The following AKAP7 variants were observed in gnomAD, a reference collection of about 807,000 sequenced individuals.
The protein encoded by AKAP7 is A kinase (PRKA) anchor protein 7.
A neutral mutation model predicts 39.5 loss-of-function variants in AKAP7; 39 were observed. The observed-to-expected ratio is 0.99, with a 90% confidence interval of 0.76 to 1.29. AKAP7 has a LOEUF of 1.29. Ranked by LOEUF, AKAP7 falls within the 50% of genes most tolerant of loss-of-function variation. AKAP7 has a pLI of 0.00. For synonymous variants in AKAP7, 140 were observed against 139.1 expected, an observed-to-expected ratio of 1.01 and a Z score of -0.05; for missense variants, 414 against 407.7, an observed-to-expected ratio of 1.02 and a Z score of -0.13.
chr6:131,183,710 G>T (rs965177352), intron 5 of AKAP7, among the ~76,000 whole-genome samples: 1 of 152,158 alleles, frequency 6.6e-6, no homozygotes. Flanking sequence ...CTGGGGTGGG[G>T]TGGACTGGGA....
chr6:131,229,483 G>A (rs976664509), intron 7 of AKAP7, among the ~76,000 whole-genome samples: 2 of 151,958 alleles, frequency 1.3e-5, no homozygotes, highest in Non-Finnish European at 2.9e-5. Flanking sequence ...CAAGTAGTTG[G>A]GATTACAGGT....
intron 6 of AKAP7, among the ~76,000 whole-genome samples, chr6:131,218,462 AAC>A (rs1254648274): frequency 3.9e-5 from 6 of 152,260 alleles, no homozygotes; most frequent in African/African-American, 1.4e-4. Flanking sequence ...GGAAAAACTA[AAC>A]ACATAAAATT....
chr6:131,241,577 A>ATGTGTGTGTGTG (rs749601887), intron 7 of AKAP7, among the ~76,000 whole-genome samples: 83 of 81,260 alleles, frequency 1.0e-3, no homozygotes, highest in African/African-American at 1.2e-3. Context: ...GATTATATAT[A>ATGTGTGTGTGTG]TGTGTGTGTG....
At chr6:131,222,375 A>G (rs1369946257) in intron 7 of AKAP7, among the ~76,000 whole-genome samples, 1 of 152,068 alleles carries the variant, frequency 6.6e-6, no homozygotes, top group African/African-American at 2.4e-5. Context: ...AATGCAAAAA[A>G]TACTAGCCGG....
chr6:131,199,255 C>A (rs573259643), intron 5 of AKAP7, among the ~76,000 whole-genome samples: 87 of 152,198 alleles, frequency 5.7e-4, no homozygotes, highest in Non-Finnish European at 8.5e-4. Flanking sequence ...TGTGAAATCA[C>A]TGGACATTTA....
chr6:131,211,475 A>G (rs1381343728), intron 6 of AKAP7, among the ~76,000 whole-genome samples: 1 of 152,122 alleles, frequency 6.6e-6, no homozygotes. Context: ...TAGGAAATTT[A>G]TGTAATCCAG....
chr6:131,273,940 CTTTT>C (rs1161809027), intron 7 of AKAP7, among the ~76,000 whole-genome samples: 7 of 130,290 alleles, frequency 5.4e-5, no homozygotes, highest in African/African-American at 8.5e-5. Context: ...GTTGCCTTTT[CTTTT>C]TTTTTTTTTT....
intron 5 of AKAP7, among the ~76,000 whole-genome samples, chr6:131,181,522 G>C (rs1746467): frequency 0.13 from 20,258 of 152,148 alleles, 1,730 homozygotes; most frequent in Middle Eastern, 0.19. Flanking sequence ...TTTTTCTAAA[G>C]CACAAAACTA....
chr6:131,273,655 A>G (rs1814489112), intron 7 of AKAP7, among the ~76,000 whole-genome samples: 1 of 152,150 alleles, frequency 6.6e-6, no homozygotes, highest in South Asian at 2.1e-4. Flanking sequence ...TACATATTTT[A>G]TAATACCCAC....
chr6:131,176,302 A>G (rs1483568168), intron 5 of AKAP7, among the ~76,000 whole-genome samples: 1 of 151,484 alleles, frequency 6.6e-6, no homozygotes, highest in Non-Finnish European at 1.5e-5. Context: ...TTTTTTCCAG[A>G]ATAAAACAGC....
At chr6:131,179,453 C>T (rs1304016638) in intron 5 of AKAP7, among the ~76,000 whole-genome samples, 3 of 152,256 alleles carry the variant, frequency 2.0e-5, no homozygotes, top group South Asian at 2.1e-4. Flanking sequence ...AGATTACAGG[C>T]GTGAGCCACC....
chr6:131,165,994 A>G (rs1027317060), intron 4 of AKAP7, among the ~76,000 whole-genome samples: 11 of 152,172 alleles, frequency 7.2e-5, no homozygotes, highest in Non-Finnish European at 1.3e-4. Flanking sequence ...ATATTTCCTG[A>G]GGGAATGAGG....
At chr6:131,211,417 T>A (rs964773081) in intron 6 of AKAP7, among the ~76,000 whole-genome samples, 1 of 152,050 alleles carries the variant, frequency 6.6e-6, no homozygotes, top group Non-Finnish European at 1.5e-5. Flanking sequence ...ACTGTACTTT[T>A]AAAAAGCAAA....
At chr6:131,176,361 T>C (rs1194594255) in intron 5 of AKAP7, among the ~76,000 whole-genome samples, 3 of 152,108 alleles carry the variant, frequency 2.0e-5, no homozygotes, top group Admixed American at 2.0e-4. Flanking sequence ...AAGAAGATAT[T>C]GAAAATTTTG....
upstream of AKAP7, among the ~76,000 whole-genome samples, chr6:131,134,730 T>C (rs186904818): frequency 4.8e-4 from 73 of 152,346 alleles, no homozygotes; most frequent in African/African-American, 1.6e-3. Flanking sequence ...CCAGCTGTTG[T>C]GGCTGTGTAG....
chr6:131,237,596 T>G (rs1262031377), intron 7 of AKAP7, among the ~76,000 whole-genome samples: 2 of 152,184 alleles, frequency 1.3e-5, no homozygotes, highest in Non-Finnish European at 2.9e-5. Context: ...CTGTTATTGG[T>G]CTATTCAGAG....
At chr6:131,144,560 C>T (rs1407667496) in intron 1 of AKAP7, among the ~76,000 whole-genome samples, 3 of 152,118 alleles carry the variant, frequency 2.0e-5, no homozygotes, top group Admixed American at 6.5e-5. Context: ...CTGGGGAGAC[C>T]ACCATCTGAT....
intron 6 of AKAP7, among the ~76,000 whole-genome samples, chr6:131,209,645 C>G (rs1461312647): frequency 2.0e-5 from 3 of 152,240 alleles, no homozygotes; most frequent in African/African-American, 7.2e-5. Context: ...ATTAAAATTG[C>G]ATGTGTTTGC....
the AKAP7 span, among the ~76,000 whole-genome samples, chr6:131,127,334 C>T: frequency 2.6e-5 from 4 of 152,212 alleles, no homozygotes; most frequent in Admixed American, 6.5e-5. Flanking sequence ...TGCATCTGGT[C>T]CCAGACCTTG....
Sources: gnomAD v4.1 joint callset for allele counts (sites outside exome capture counted in the v4.1 genomes callset) on GRCh38, gnomAD v4.1.1 for gene constraint, MANE v1.5 for transcripts, NCBI Gene and HGNC (gene_info 2026-07-23, HGNC 2026-07-21) for gene names.